The following HDAC9 variants were observed in gnomAD, a reference collection of about 807,000 sequenced individuals.
The protein encoded by HDAC9 is MEF-2 interacting transcription repressor (MITR) protein.
HDAC9 carries 41 observed loss-of-function variants against 139.4 expected under a neutral mutation model. The observed-to-expected ratio is 0.29, with a 90% CI of 0.23 to 0.38. The LOEUF is 0.38. HDAC9 is among the 10% of genes least tolerant of loss of function. The pLI is 1.00. For missense variants in HDAC9, 1,147 were observed against 1,297.0 expected, an observed-to-expected ratio of 0.88 and a Z score of 1.78; for synonymous variants, 517 against 476.2, an observed-to-expected ratio of 1.09 and a Z score of -1.12.
At chr7:18,135,481 T>C (rs1785330396) in intron 1 of HDAC9, among the ~76,000 whole-genome samples, 2 of 126,648 alleles carry the variant, frequency 1.6e-5, no homozygotes, top group South Asian at 2.8e-4. Flanking sequence ...GTCCCCAGAG[T>C]GTGATATTCC....
chr7:18,572,127 C>A (rs1020874440), intron 2 of HDAC9, among the ~76,000 whole-genome samples: 2 of 151,722 alleles, frequency 1.3e-5, no homozygotes, highest in African/African-American at 4.8e-5. Context: ...TAAGAAAAAT[C>A]ATTTATTCAA....
chr7:18,214,448 G>T (rs1054912419), intron 2 of HDAC9, among the ~76,000 whole-genome samples: 3 of 152,068 alleles, frequency 2.0e-5, no homozygotes, highest in Non-Finnish European at 4.4e-5. Flanking sequence ...AGCTCAGATT[G>T]TATGTGAAAG....
At chr7:18,686,115 A>G (rs1782249108) in intron 12 of HDAC9, among the ~76,000 whole-genome samples, 2 of 152,022 alleles carry the variant, frequency 1.3e-5, no homozygotes, top group Admixed American at 6.6e-5. Context: ...AAAGGTTGAG[A>G]GGCTGGCTTG....
chr7:18,873,196 T>G (rs1450287669), intron 21 of HDAC9, among the ~76,000 whole-genome samples: 1 of 152,168 alleles, frequency 6.6e-6, no homozygotes, highest in Non-Finnish European at 1.5e-5. Context: ...AAATTTTTAA[T>G]TGTATTGAAG....
chr7:18,776,120 T>G (rs1176054421), intron 16 of HDAC9, among the ~76,000 whole-genome samples: 1 of 152,032 alleles, frequency 6.6e-6, no homozygotes, highest in African/African-American at 2.4e-5. Flanking sequence ...CTTTCTTTTA[T>G]TTTGTAGAGA....
chr7:18,415,670 C>T (rs1249497204), intron 1 of HDAC9, among the ~76,000 whole-genome samples: 1 of 152,118 alleles, frequency 6.6e-6, no homozygotes, highest in African/African-American at 2.4e-5. Flanking sequence ...CGTGCCTGAA[C>T]AGTATATGAG....
chr7:18,147,733 G>A (rs2128116198), intron 1 of HDAC9, among the ~76,000 whole-genome samples: 1 of 151,804 alleles, frequency 6.6e-6, no homozygotes, highest in East Asian at 1.9e-4. Flanking sequence ...TGAGTTGAAT[G>A]TGGTGTTTAC....
At chr7:18,319,613 T>C (rs1278848187) in intron 1 of HDAC9, among the ~76,000 whole-genome samples, 1 of 152,246 alleles carries the variant, frequency 6.6e-6, no homozygotes, top group Non-Finnish European at 1.5e-5. Context: ...TTTTTGACTT[T>C]TAAAACTCAC....
chr7:18,124,688 G>A (rs1244295962), intron 1 of HDAC9, among the ~76,000 whole-genome samples: 2 of 152,020 alleles, frequency 1.3e-5, no homozygotes, highest in African/African-American at 2.4e-5. Flanking sequence ...ATTTATTTAT[G>A]TATTTGTTTA....
chr7:18,831,558 T>C (rs983844317), intron 19 of HDAC9, among the ~76,000 whole-genome samples: 1 of 152,118 alleles, frequency 6.6e-6, no homozygotes, highest in Non-Finnish European at 1.5e-5. Flanking sequence ...ATTATCTAAA[T>C]ATATGGAGTT....
At chr7:18,935,723 A>C in intron 22 of HDAC9, 86 bp from the exon 23 acceptor site, 1 of 1,247,718 alleles carries the variant, frequency 8.0e-7, no homozygotes, top group Admixed American at 1.8e-5. Flanking sequence ...GTAATGACTT[A>C]CTCAAAATAC....
intron 2 of HDAC9, among the ~76,000 whole-genome samples, chr7:18,536,655 A>C (rs1200882172): frequency 6.6e-6 from 1 of 152,170 alleles, no homozygotes; most frequent in African/African-American, 2.4e-5. Flanking sequence ...TGGAAATTTA[A>C]ACCACCCTGA....
chr7:18,737,726 G>A (rs1368971287), intron 13 of HDAC9, among the ~76,000 whole-genome samples: 2 of 152,182 alleles, frequency 1.3e-5, no homozygotes, highest in Non-Finnish European at 2.9e-5. Flanking sequence ...TGAGAAGAAT[G>A]TATATTCTGT....
chr7:18,897,817 T>TAA (rs34967225), intron 22 of HDAC9, among the ~76,000 whole-genome samples: 10 of 141,356 alleles, frequency 7.1e-5, no homozygotes, highest in East Asian at 2.0e-4. Flanking sequence ...TATGGTTACT[T>TAA]AAAAAAAAAA....
At chr7:18,090,753 C>G (rs1562607791) in intron 1 of HDAC9, among the ~76,000 whole-genome samples, 1 of 152,136 alleles carries the variant, frequency 6.6e-6, no homozygotes. Context: ...AGCTCTGCTT[C>G]TTTGGCCGAA....
chr7:18,989,705 T>C (rs892094676), intron 25 of HDAC9, among the ~76,000 whole-genome samples: 2 of 144,770 alleles, frequency 1.4e-5, no homozygotes, highest in East Asian at 2.0e-4. Flanking sequence ...CAGACGTAGA[T>C]TTGGTCTTTT....
chr7:18,597,566 A>G (rs1325737708), intron 6 of HDAC9, among the ~76,000 whole-genome samples: 1 of 152,180 alleles, frequency 6.6e-6, no homozygotes, highest in Non-Finnish European at 1.5e-5. Context: ...GAAATGGTAC[A>G]TGTTTCTCAC....
At chr7:18,782,909 G>A (rs573709451) in intron 16 of HDAC9, among the ~76,000 whole-genome samples, 21 of 152,006 alleles carry the variant, frequency 1.4e-4, no homozygotes, top group Non-Finnish European at 3.1e-4. Context: ...GCTGGTTTAC[G>A]AGGTCTCTAA....
chr7:18,681,310 A>G (rs1202672560), intron 12 of HDAC9, among the ~76,000 whole-genome samples: 1 of 152,016 alleles, frequency 6.6e-6, no homozygotes, highest in Non-Finnish European at 1.5e-5. Flanking sequence ...ATGGTGATTA[A>G]TACATTTAGG....
Sources: gnomAD v4.1 joint callset for allele counts (sites outside exome capture counted in the v4.1 genomes callset) on GRCh38, gnomAD v4.1.1 for gene constraint, MANE v1.5 for transcripts, NCBI Gene and HGNC (gene_info 2026-07-23, HGNC 2026-07-21) for gene names.